Variants in RELN observed in about 807,000 individuals in gnomAD.
RELN encodes the protein reelin.
A neutral mutation model predicts 427.6 loss-of-function variants in RELN; 108 were observed. The observed-to-expected ratio is 0.25, with a 90% CI of 0.22 to 0.30. The LOEUF (loss-of-function observed/expected upper bound fraction) is 0.30. Ranked by LOEUF, RELN falls within the 10% of genes least tolerant of loss-of-function variation. RELN has a pLI of 1.00. For synonymous variants in RELN, 1,524 were observed against 1,513.4 expected (o/e 1.01, Z -0.16); for missense variants, 3,715 against 4,302.8 (o/e 0.86, Z 3.82).
intron 1 of RELN, among the ~76,000 whole-genome samples, chr7:103,942,005 T>C (rs1339167637): frequency 1.3e-5 from 2 of 151,510 alleles, no homozygotes; most frequent in Non-Finnish European, 2.9e-5. Flanking sequence ...ATTAGCATAG[T>C]TTTAAGAATT....
At chr7:103,803,104 T>C (rs993779977) in intron 3 of RELN, among the ~76,000 whole-genome samples, 2 of 152,118 alleles carry the variant, frequency 1.3e-5, no homozygotes, top group Admixed American at 6.6e-5. Flanking sequence ...TGAGTCTGTT[T>C]TGTGGGCCAA....
At chr7:103,478,030 C>T (rs1322464925) in intron 64 of RELN, among the ~76,000 whole-genome samples, 1 of 152,086 alleles carries the variant, frequency 6.6e-6, no homozygotes, top group Non-Finnish European at 1.5e-5. Flanking sequence ...TTCCCTTGTC[C>T]CTCATAACAA....
chr7:103,503,915 A>AC, intron 51 of RELN, among the ~76,000 whole-genome samples: 1 of 150,094 alleles, frequency 6.7e-6, no homozygotes, highest in Non-Finnish European at 1.5e-5. Context: ...AAAAAAAAAA[A>AC]AAACTAGAGG....
intron 24 of RELN, 108 bp from the exon 25 acceptor site, chr7:103,596,769 C>G: frequency 1.1e-6 from 1 of 933,082 alleles, no homozygotes; most frequent in African/African-American, 1.6e-5. Context: ...TGGAAATGGT[C>G]TCGTCCCCAT....
chr7:103,720,826 AC>A (rs1790058123), intron 8 of RELN, among the ~76,000 whole-genome samples: 1 of 152,084 alleles, frequency 6.6e-6, no homozygotes, highest in Non-Finnish European at 1.5e-5. Context: ...ATGATGTCAC[AC>A]CCTTATACCT....
chr7:103,798,381 A>C (rs1027475687), intron 3 of RELN, among the ~76,000 whole-genome samples: 1 of 152,164 alleles, frequency 6.6e-6, no homozygotes, highest in Non-Finnish European at 1.5e-5. Flanking sequence ...TTATCTGTAA[A>C]ACACTGGCAA....
At chr7:103,655,880 C>A (rs1359810044) in intron 12 of RELN, among the ~76,000 whole-genome samples, 2 of 152,054 alleles carry the variant, frequency 1.3e-5, no homozygotes, top group Non-Finnish European at 2.9e-5. Flanking sequence ...TGATATATAT[C>A]TTTTTTGATC....
intron 11 of RELN, among the ~76,000 whole-genome samples, chr7:103,678,042 T>C (rs1423470984): frequency 5.3e-5 from 8 of 152,182 alleles, no homozygotes; most frequent in African/African-American, 1.9e-4. Flanking sequence ...TTTCCAAGGA[T>C]TTCGGGCAGG....
chr7:103,680,975 G>A (rs1211585103), intron 11 of RELN, among the ~76,000 whole-genome samples: 8 of 152,130 alleles, frequency 5.3e-5, no homozygotes, highest in Non-Finnish European at 4.4e-5. Flanking sequence ...ACTTCCCTGA[G>A]GCAGGGAGGA....
intron 2 of RELN, among the ~76,000 whole-genome samples, chr7:103,915,636 C>T (rs762801124): frequency 2.0e-5 from 3 of 151,916 alleles, no homozygotes; most frequent in African/African-American, 7.2e-5. Flanking sequence ...ACCTAGACAG[C>T]TTTAAAAAAT....
intron 3 of RELN, among the ~76,000 whole-genome samples, chr7:103,816,151 G>C (rs1039209782): frequency 6.6e-6 from 1 of 152,148 alleles, no homozygotes; most frequent in Non-Finnish European, 1.5e-5. Context: ...GGCCGAGGTG[G>C]GTGGATCATT....
At chr7:103,634,869 CT>C (rs113778229) in intron 19 of RELN, among the ~76,000 whole-genome samples, 346 of 148,366 alleles carry the variant, frequency 2.3e-3, no homozygotes, top group African/African-American at 7.8e-3. Context: ...ACTTTTCTCT[CT>C]TTTTTTTTTG....
At chr7:103,838,208 C>CAAGAA (rs1491227842) in intron 2 of RELN, among the ~76,000 whole-genome samples, 1 of 81,082 alleles carries the variant, frequency 1.2e-5, no homozygotes, top group African/African-American at 5.1e-5. Flanking sequence ...GACTTCGTCT[C>CAAGAA]AAAAAAAAAA....
chr7:103,984,160 A>C lies in RELN; in HGVS notation c.226+4971T>G, dbSNP rs1372366405. Among the ~76,000 whole-genome samples the C allele has an allele frequency of 2.6e-5, 4 of 152,190 alleles. No homozygotes were observed. In the East Asian group the frequency reaches 7.7e-4, roughly 29 times the overall value. On this transcript the variant is annotated intron_variant, in intron 1 of 64. Transcript: ENST00000428762. ...TGACCAATTCCCAGGAGGTAAAAAA[A>C]AAAAAAAATCAAAGACAGATTTTTA...
At chr7:103,903,831 C>G (rs1023259414) in intron 2 of RELN, among the ~76,000 whole-genome samples, 1 of 149,084 alleles carries the variant, frequency 6.7e-6, no homozygotes, top group Admixed American at 6.7e-5. Flanking sequence ...TTTCTGAGTA[C>G]ATATCTTTTT....
chr7:103,796,776 G>A (rs185833571), intron 3 of RELN, among the ~76,000 whole-genome samples: 365 of 149,922 alleles, frequency 2.4e-3, no homozygotes, highest in South Asian at 7.8e-3. Context: ...CAGAAGAATC[G>A]CTTGAACCTG....
At chr7:103,741,916 T>C (rs925755983) in intron 6 of RELN, among the ~76,000 whole-genome samples, 2 of 151,358 alleles carry the variant, frequency 1.3e-5, no homozygotes, top group East Asian at 3.9e-4. Flanking sequence ...TTGAAGAGAG[T>C]AGTGGTTCTC....
At chr7:103,980,973 A>T (rs1796981404) in intron 1 of RELN, among the ~76,000 whole-genome samples, 2 of 152,252 alleles carry the variant, frequency 1.3e-5, no homozygotes, top group African/African-American at 4.8e-5. Context: ...AGGAAATGTG[A>T]AAAGAACTGG....
chr7:103,490,589 C>T (rs944238023), intron 59 of RELN, 79 bp downstream of exon 59: 1 of 1,439,484 alleles, frequency 6.9e-7, no homozygotes, highest in African/African-American at 1.4e-5. Context: ...CTCACACTGT[C>T]AGTTGTTTTC....
Sources: allele counts gnomAD v4.1 joint callset (sites outside exome capture counted in the v4.1 genomes callset), GRCh38; gene constraint gnomAD v4.1.1; transcripts MANE v1.5; gene names NCBI Gene and HGNC (gene_info 2026-07-23, HGNC 2026-07-21).